Variants in NECAB3 observed in about 807,000 individuals in gnomAD.
NECAB3 encodes N-terminal EF-hand calcium binding protein 3, also known as N-terminal EF-hand calcium-binding protein 3.
In NECAB3, 38 loss-of-function variants were observed where a neutral mutation model predicts 57.2. That is an observed-to-expected ratio of 0.66 (90% CI 0.51 to 0.87). The LOEUF (loss-of-function observed/expected upper bound fraction) is 0.87, where lower values mean the gene tolerates loss of function less well. Ranked by LOEUF, NECAB3 falls within the 40% of genes least tolerant of loss-of-function variation. The pLI, the probability that NECAB3 is intolerant of heterozygous loss-of-function variation, is 0.00. For synonymous variants in NECAB3, 223 were observed against 222.6 expected (o/e 1.00, Z -0.02); for missense variants, 474 against 527.5 (o/e 0.90, Z 0.99).
At chr20:33,669,825 C>T (rs935509188) in intron 3 of NECAB3, 113 bp from the exon 4 acceptor site, 3 of 1,156,234 alleles carry the variant, frequency 2.6e-6, no homozygotes, top group Non-Finnish European at 1.2e-6. Context: ...AACAAGGCCA[C>T]TTCTGCTCCA....
At chr20:33,668,425 C>G in intron 5 of NECAB3, 1 of 735,268 alleles carries the variant, frequency 1.4e-6, no homozygotes, top group Non-Finnish European at 2.0e-6. Flanking sequence ...CAGTTTGAAT[C>G]TCCCCAACCA....
chr20:33,675,222 A>C (rs1897702556), upstream of NECAB3: 1 of 153,442 alleles, frequency 6.5e-6, no homozygotes, highest in African/African-American at 2.4e-5. Context: ...CCATTCCAGA[A>C]CGCCTTTCCC....
intron 5 of NECAB3, among the ~76,000 whole-genome samples, chr20:33,661,643 A>AATTTC (rs1276085140): frequency 6.6e-6 from 1 of 152,184 alleles, no homozygotes; most frequent in Non-Finnish European, 1.5e-5. Context: ...CTGCAAGAAG[A>AATTTC]ATTTCATTTA....
At chr20:33,658,685 C>T in intron 9 of NECAB3, 37 bp downstream of exon 9, 1 of 1,604,612 alleles carries the variant, frequency 6.2e-7, no homozygotes, top group Non-Finnish European at 8.5e-7. Context: ...CTCACCCCCT[C>T]CCCACTGGCC....
chr20:33,672,863 C>G (rs1468827620), intron 1 of NECAB3, among the ~76,000 whole-genome samples: 1 of 152,162 alleles, frequency 6.6e-6, no homozygotes, highest in East Asian at 1.9e-4. Flanking sequence ...CATGGTCTAC[C>G]CCAGCTGCCC....
rs1201281553 is a variant in NECAB3 at position 33,659,872 on chromosome 20, A to G, written c.643+13T>C. 6.5e-7 allele frequency: 1 copy of G among 1,541,784 alleles called. No individual in the cohort carries two copies. The highest frequency in any genetic ancestry group is 8.7e-7 in the Non-Finnish European group (1 of 1,146,708). ...CTGCCTCGGCCAGGCCTCCCACCCC[A>G]CCCCAGGCGCACCTGTGTCAGAAGA... On this transcript the variant is annotated intron_variant, in intron 7 of 11. Transcript: ENST00000246190.
chr20:33,667,709 C>A (rs759248853), intron 5 of NECAB3: 1 of 1,612,082 alleles, frequency 6.2e-7, no homozygotes, highest in South Asian at 1.1e-5. Context: ...TTGCAGCAGG[C>A]CCTGCCCCGC....
rs562093945 is a variant in NECAB3 at position 33,672,528 on chromosome 20, G to C, written c.130-106C>G. 2.9e-5 allele frequency: 40 copies of C among 1,369,982 alleles called. 1 individual carries two copies. In the African/African-American group the frequency reaches 4.1e-4, roughly 14 times the overall value. 84.9% of individuals were successfully genotyped at this position (1,369,982 alleles called of 1,614,324 possible). Reference sequence around the variant, plus strand: ...AGCTGGCCGACCTACCCCCTGCCTCGCCTTTCCTCCCGCCCAGCCTGGTCC... The same window carrying C: ...AGCTGGCCGACCTACCCCCTGCCTCCCCTTTCCTCCCGCCCAGCCTGGTCC... On this transcript the variant is annotated intron_variant, in intron 1 of 11. Transcript: ENST00000246190.
At chr20:33,668,137 TCCATGGTGGCCTC>T (rs1568900970) in intron 5 of NECAB3, 1 of 1,611,768 alleles carries the variant, frequency 6.2e-7, no homozygotes, top group South Asian at 1.1e-5. Flanking sequence ...GACCGGCGGC[TCCATGGTGGCCTC>T]CCTGCACTCC....
At chr20:33,668,221 G>A (rs370919410) in intron 5 of NECAB3, 5 of 1,595,736 alleles carry the variant, frequency 3.1e-6, no homozygotes, top group Non-Finnish European at 3.4e-6. Flanking sequence ...GCTGCTGTAC[G>A]ATGTGTTCAA....
At position 33,660,509 on chromosome 20, in the gene NECAB3, C is replaced by A; in HGVS notation, c.388-114G>T. 1 of 1,399,382 alleles carries A rather than the reference C, an allele frequency of 7.1e-7. No homozygotes were observed. Among genetic ancestry groups the A allele is most frequent in the Admixed American group, 2.0e-5 (1 of 49,858 alleles). 86.7% of individuals were successfully genotyped at this position (1,399,382 alleles called of 1,614,324 possible). A position where few individuals can be genotyped will look rare whatever the true frequency, so the allele number is the denominator to read the frequency against. ...GGTGGCAGTGCCAAGAGCAGGGGCA[C>A]GCAAACCTGGCACAGGCAGGAGGGT... is the stretch of plus-strand genomic sequence containing the variant. On this transcript the variant is annotated intron_variant, in intron 5 of 11. Transcript: ENST00000246190. This position sits in a 1 kb window ranked among gnomAD's most constrained non-coding sequence, Gnocchi z 4.1.
Position 33,659,490 on chromosome 20 carries a change from G to A in NECAB3, c.879+7C>T. On this transcript the variant is annotated splice_region_variant and intron_variant, in intron 8 of 11. Transcript: ENST00000246190. ...CATCCAGCCGCTTGCCCCTCTCCTGGGCTCACCAAGTCAGGCCCCTTGGCC... is the reference window on the plus strand; with the variant it reads ...CATCCAGCCGCTTGCCCCTCTCCTGAGCTCACCAAGTCAGGCCCCTTGGCC... The A allele has an allele frequency of 2.7e-6, 4 of 1,463,832 alleles. No individual in the cohort carries two copies. The highest frequency in any genetic ancestry group is 2.7e-6 in the Non-Finnish European group (3 of 1,102,916). The allele number at this position is 1,463,832 out of a possible 1,614,324, so 90.7% of individuals were successfully genotyped here. A position where few individuals can be genotyped will look rare whatever the true frequency, so the allele number is the denominator to read the frequency against.
At chr20:33,658,577 A>G (rs1170777115) in intron 9 of NECAB3, 23 bp from the exon 10 acceptor site, 3 of 1,613,386 alleles carry the variant, frequency 1.9e-6, no homozygotes, top group Non-Finnish European at 2.5e-6. Flanking sequence ...AGAGATGGGC[A>G]GGCCAGGCCA....
intron 5 of NECAB3, chr20:33,663,370 G>C (rs2017542091): frequency 1.4e-6 from 1 of 721,554 alleles, no homozygotes; most frequent in Non-Finnish European, 2.2e-6. Context: ...GGCCTGAATT[G>C]GACAGGGGTC....
rs1163568678 is a variant in NECAB3, at chr20:33,667,832, G to A, written c.387+1543C>T. The A allele has an allele frequency of 6.2e-6, 10 of 1,611,384 alleles. No homozygotes were observed. The highest frequency in any genetic ancestry group is 8.5e-6 in the Non-Finnish European group (10 of 1,179,292). ...GCCAGTTTCAGCGTGGGTAACGGGTGCTGCGTCTGCCTCAGCAGTGAGCGC... is the reference window on the plus strand; with the variant it reads ...GCCAGTTTCAGCGTGGGTAACGGGTACTGCGTCTGCCTCAGCAGTGAGCGC... On this transcript the variant is annotated intron_variant, in intron 5 of 11. Transcript: ENST00000246190.
At chr20:33,666,993 C>G (rs1457556446) in intron 5 of NECAB3, 1 of 155,192 alleles carries the variant, frequency 6.4e-6, no homozygotes, top group Non-Finnish European at 1.4e-5. Context: ...GGACTACTCC[C>G]TAGGACAGAG....
intron 5 of NECAB3, among the ~76,000 whole-genome samples, chr20:33,661,727 C>T (rs1307838502): frequency 6.6e-6 from 1 of 152,128 alleles, no homozygotes; most frequent in Non-Finnish European, 1.5e-5. Flanking sequence ...CTTGGCTCAC[C>T]GCAACCTCTG....
rs1363587114 is a variant in NECAB3 at position 33,674,414 on chromosome 20, T to C, written c.-62A>G. ...GCCGACCCTGGACGCCGCGGCGGAC[T>C]CGGTGTGGCTAGAGGCCGCCCCTTG... On this transcript the variant is annotated 5_prime_UTR_variant, in exon 1 of 12. Coordinates refer to ENST00000246190, the MANE Select transcript of NECAB3 (RefSeq NM_031232.4). 1.4e-5 allele frequency: 15 copies of C among 1,105,922 alleles called. No homozygotes were observed. The highest frequency in any genetic ancestry group is 1.3e-5 in the Non-Finnish European group (12 of 908,310). 68.5% of individuals were successfully genotyped at this position (1,105,922 alleles called of 1,614,324 possible).
Position 33,660,201 on chromosome 20 carries a change from T to TGG in NECAB3, c.524+56_524+57dup, listed in dbSNP as rs1050178488. The TGG allele has an allele frequency of 4.0e-5, 64 of 1,584,690 alleles. No individual in the cohort carries two copies. The highest frequency in any genetic ancestry group is 5.1e-5 in the Non-Finnish European group (59 of 1,161,714). On this transcript the variant is annotated intron_variant, in intron 6 of 11. Coordinates refer to ENST00000246190, the MANE Select transcript of NECAB3 (RefSeq NM_031232.4). This position sits in a 1 kb window ranked among gnomAD's most constrained non-coding sequence, Gnocchi z 4.1. ...ATGCTGGGACTGTGGGGATTTGGAA[T>TGG]GGGGGTACAATGGGCGCTTGTGCAC...
Sources: gnomAD v4.1 joint callset for allele counts (sites outside exome capture counted in the v4.1 genomes callset) on GRCh38, gnomAD v4.1.1 for gene constraint, Gnocchi (gnomAD v3.1) non-coding constraint, MANE v1.5 for transcripts, NCBI Gene and HGNC (gene_info 2026-07-23, HGNC 2026-07-21) for gene names.